The following PCDH7 variants were observed in gnomAD, a reference collection of about 807,000 sequenced individuals.
PCDH7 encodes protocadherin 7, also known as protocadherin-7.
Under a neutral mutation model 58.9 loss-of-function variants are expected in PCDH7, and 17 were observed. The observed-to-expected ratio is 0.29, with a 90% CI of 0.20 to 0.43. The LOEUF is 0.43. Among genes scored for constraint, PCDH7 ranks in the 20% least tolerant of loss-of-function variants. The probability of loss-of-function intolerance (pLI) is 1.00; values close to 1 mark genes in which losing one functional copy is unlikely to be tolerated. For synonymous variants in PCDH7, 664 were observed against 616.4 expected, an observed-to-expected ratio of 1.08 and a Z score of -1.14; for missense variants, 1,274 against 1,441.0, an observed-to-expected ratio of 0.88 and a Z score of 1.88.
intron 1 of PCDH7, among the ~76,000 whole-genome samples, chr4:30,860,987 T>C (rs191191695): frequency 8.5e-5 from 13 of 152,338 alleles, no homozygotes; most frequent in Admixed American, 5.2e-4. Context: ...TGGATCTATA[T>C]ATTTTATAAT....
intron 1 of PCDH7, among the ~76,000 whole-genome samples, chr4:30,822,813 G>A (rs192943747): frequency 2.4e-4 from 36 of 152,182 alleles, no homozygotes; most frequent in African/African-American, 8.7e-4. Flanking sequence ...GAACCCATTT[G>A]ACTTTCAGTT....
At chr4:30,938,953 T>C (rs1281105503) in intron 2 of PCDH7, among the ~76,000 whole-genome samples, 1 of 152,182 alleles carries the variant, frequency 6.6e-6, no homozygotes, top group Non-Finnish European at 1.5e-5. Flanking sequence ...TTTGTAATAC[T>C]GAGGTAAAAA....
intron 3 of PCDH7, among the ~76,000 whole-genome samples, chr4:31,016,427 A>G (rs1398918015): frequency 3.5e-5 from 5 of 141,388 alleles, no homozygotes; most frequent in Non-Finnish European, 7.6e-5. Flanking sequence ...GAACATCACT[A>G]TTGCTTTTAT....
At chr4:30,809,090 A>G (rs976867038) in intron 1 of PCDH7, among the ~76,000 whole-genome samples, 1 of 152,238 alleles carries the variant, frequency 6.6e-6, no homozygotes. Flanking sequence ...AGAGTTTATC[A>G]TTCCTTTTCG....
intron 3 of PCDH7, among the ~76,000 whole-genome samples, chr4:31,021,814 A>G (rs1275447009): frequency 2.0e-5 from 3 of 152,256 alleles, no homozygotes; most frequent in South Asian, 2.1e-4. Flanking sequence ...GGGGAAAAAT[A>G]TGGTTGGATG....
chr4:31,035,471 C>A (rs145862405), intron 3 of PCDH7, among the ~76,000 whole-genome samples: 274 of 152,234 alleles, frequency 1.8e-3, no homozygotes, highest in African/African-American at 6.1e-3. Context: ...CCAGGCTGGC[C>A]TCAAATTCCT....
chr4:30,979,782 A>G (rs1317821465), intron 3 of PCDH7, among the ~76,000 whole-genome samples: 2 of 152,108 alleles, frequency 1.3e-5, no homozygotes, highest in African/African-American at 4.8e-5. Context: ...CCACCTGGTC[A>G]CAAGCCTGCA....
chr4:30,932,478 G>A (rs1022775103), intron 2 of PCDH7, among the ~76,000 whole-genome samples: 6 of 152,116 alleles, frequency 3.9e-5, no homozygotes, highest in African/African-American at 1.4e-4. Context: ...TTATGTATAA[G>A]CACTATATCG....
chr4:31,117,306 A>G (rs1717121017), intron 3 of PCDH7, among the ~76,000 whole-genome samples: 1 of 152,176 alleles, frequency 6.6e-6, no homozygotes, highest in African/African-American at 2.4e-5. Context: ...CTAAACTCTC[A>G]CATGATTCCA....
downstream of PCDH7, among the ~76,000 whole-genome samples, chr4:30,737,536 A>ATG (rs67912867): frequency 1.1e-3 from 167 of 151,068 alleles, 1 homozygote; most frequent in East Asian, 4.3e-3. Flanking sequence ...ATGTATACAT[A>ATG]TGTGTGTGTG....
chr4:30,986,682 G>A (rs111330024), intron 3 of PCDH7, among the ~76,000 whole-genome samples: 2,001 of 151,872 alleles, frequency 0.013, 46 homozygotes, highest in African/African-American at 0.044. Flanking sequence ...ATCAGAATCC[G>A]TTTGAAAATG....
intron 3 of PCDH7, among the ~76,000 whole-genome samples, chr4:31,138,874 G>T (rs1018065211): frequency 2.6e-5 from 4 of 151,792 alleles, no homozygotes; most frequent in Non-Finnish European, 4.4e-5. Flanking sequence ...TACTCAGGAG[G>T]CTGAGGCAGG....
chr4:30,899,372 A>T (rs1276751173), intron 1 of PCDH7, among the ~76,000 whole-genome samples: 1 of 152,076 alleles, frequency 6.6e-6, no homozygotes, highest in Non-Finnish European at 1.5e-5. Context: ...GTATCTGGAA[A>T]TTTTTGTTAT....
rs543660067 is a variant in PCDH7, at chr4:31,044,768, G to A, written c.*7+94553G>A. ...ATTAATTAATTGGTTATTTTAATAA[G>A]CTTGGAGTCCTTTCTTAGGAAAATA... is the stretch of plus-strand genomic sequence containing the variant. On this transcript the variant is annotated intron_variant, in intron 3 of 3. Transcript: ENST00000509759. Among the ~76,000 whole-genome samples the A allele has an allele frequency of 3.3e-5, 5 of 152,066 alleles. No homozygotes were observed. The East Asian group carries it at 7.7e-4, about 24-fold the overall frequency.
chr4:31,097,624 A>ATG (rs1560221824), intron 3 of PCDH7, among the ~76,000 whole-genome samples: 1 of 41,188 alleles, frequency 2.4e-5, no homozygotes, highest in African/African-American at 1.9e-4. Flanking sequence ...ATATATATAT[A>ATG]TATATATATA....
At chr4:30,962,318 C>T (rs1482748124) in intron 3 of PCDH7, among the ~76,000 whole-genome samples, 2 of 152,156 alleles carry the variant, frequency 1.3e-5, no homozygotes, top group African/African-American at 4.8e-5. Context: ...GGAGTTATTA[C>T]AGAGCACATG....
chr4:30,739,135 A>C (rs1464596378), intron 1 of PCDH7, among the ~76,000 whole-genome samples: 1 of 146,750 alleles, frequency 6.8e-6, no homozygotes, highest in Non-Finnish European at 1.5e-5. Flanking sequence ...TTTATATATA[A>C]AAATATATAT....
intron 3 of PCDH7, among the ~76,000 whole-genome samples, chr4:31,140,935 C>T (rs944684472): frequency 6.6e-5 from 10 of 152,090 alleles, no homozygotes; most frequent in Non-Finnish European, 1.0e-4. Flanking sequence ...TCTAGATTTC[C>T]GGTGTAGAAC....
intron 1 of PCDH7, among the ~76,000 whole-genome samples, chr4:30,836,099 T>A (rs1730450338): frequency 6.6e-6 from 1 of 152,224 alleles, no homozygotes; most frequent in Admixed American, 6.5e-5. Context: ...TGTTATGTAA[T>A]CCATATTTGG....
Sources: gnomAD v4.1 joint callset for allele counts (sites outside exome capture counted in the v4.1 genomes callset) on GRCh38, gnomAD v4.1.1 for gene constraint, MANE v1.5 for transcripts, NCBI Gene and HGNC (gene_info 2026-07-23, HGNC 2026-07-21) for gene names.